GFRAL: variants seen among roughly 807,000 people sequenced by gnomAD.
The protein encoded by GFRAL is GDNF family receptor alpha like.
Under a neutral mutation model 45.4 loss-of-function variants are expected in GFRAL, and 36 were observed. The observed-to-expected ratio is 0.79, with a 90% CI of 0.61 to 1.05. The LOEUF is 1.05. Among genes scored for constraint, GFRAL ranks in the 50% least tolerant of loss-of-function variants. The pLI is 0.00. For synonymous variants in GFRAL, 166 were observed against 154.1 expected (o/e 1.08, Z -0.57); for missense variants, 507 against 467.5 (o/e 1.08, Z -0.78).
intron 1 of GFRAL, among the ~76,000 whole-genome samples, chr6:55,328,119 T>G (rs1029756393): frequency 3.9e-5 from 6 of 152,004 alleles, no homozygotes. Flanking sequence ...TTCATTAATT[T>G]TTATGACCTA....
intron 6 of GFRAL, among the ~76,000 whole-genome samples, chr6:55,397,999 A>C (rs967191763): frequency 6.6e-6 from 1 of 152,210 alleles, no homozygotes; most frequent in Admixed American, 6.5e-5. Flanking sequence ...CATGTTTGTA[A>C]CCTAAAAACA....
chr6:55,350,393 G>A (rs930584049), intron 4 of GFRAL, among the ~76,000 whole-genome samples: 1 of 151,972 alleles, frequency 6.6e-6, no homozygotes, highest in Non-Finnish European at 1.5e-5. Context: ...CCAAATACTA[G>A]GTTGGGCACA....
chr6:55,400,121 T>C (rs1275754720), intron 8 of GFRAL, among the ~76,000 whole-genome samples: 1 of 149,864 alleles, frequency 6.7e-6, no homozygotes, highest in Non-Finnish European at 1.5e-5. Flanking sequence ...CATTTACAAC[T>C]ATACATAAAA....
At chr6:55,400,552 T>A (rs1768882717) in intron 8 of GFRAL, among the ~76,000 whole-genome samples, 1 of 152,174 alleles carries the variant, frequency 6.6e-6, no homozygotes, top group Non-Finnish European at 1.5e-5. Flanking sequence ...TATTTATTTT[T>A]AAATGCAATG....
At chr6:55,374,110 T>G (rs1376381631) in intron 6 of GFRAL, among the ~76,000 whole-genome samples, 1 of 152,206 alleles carries the variant, frequency 6.6e-6, no homozygotes, top group Non-Finnish European at 1.5e-5. Flanking sequence ...TAGTATCCCA[T>G]GGTATATATG....
intron 5 of GFRAL, among the ~76,000 whole-genome samples, chr6:55,352,542 T>G (rs889882640): frequency 6.6e-6 from 1 of 152,108 alleles, no homozygotes; most frequent in Admixed American, 6.6e-5. Flanking sequence ...ACTCTCTTTA[T>G]GGCCACAGAG....
Position 55,330,292 on chromosome 6 carries a change from C to T in GFRAL, c.23-1423C>T, listed in dbSNP as rs538927020. On this transcript the variant is annotated intron_variant, in intron 1 of 8. Coordinates refer to ENST00000340465, the MANE Select transcript of GFRAL (RefSeq NM_207410.2). ...AATATTCATTTATTGAATACCTATA[C>T]TGCATCACTGTGTTTGGTGACAAAA... Among the ~76,000 whole-genome samples the T allele has an allele frequency of 7.2e-5, 11 of 152,184 alleles. No individual in the cohort carries two copies. In the East Asian group the frequency reaches 1.5e-3, roughly 21 times the overall value.
chr6:55,385,888 C>T (rs529142913), intron 6 of GFRAL, among the ~76,000 whole-genome samples: 26 of 151,994 alleles, frequency 1.7e-4, no homozygotes, highest in Non-Finnish European at 3.8e-4. Flanking sequence ...GTAAAGATTT[C>T]AAAGAAATAG....
chr6:55,392,499 A>G (rs1175289341), intron 6 of GFRAL, among the ~76,000 whole-genome samples: 2 of 152,350 alleles, frequency 1.3e-5, no homozygotes, highest in African/African-American at 2.4e-5. Flanking sequence ...TCCTGAATAG[A>G]CAGCAGATTC....
intron 6 of GFRAL, among the ~76,000 whole-genome samples, chr6:55,359,542 GGCTCA>G (rs1301402534): frequency 1.3e-5 from 2 of 151,876 alleles, no homozygotes; most frequent in African/African-American, 4.8e-5. Flanking sequence ...CATTGGACTT[GGCTCA>G]GCTGGATGGC....
At chr6:55,334,031 T>G in intron 3 of GFRAL, 87 bp downstream of exon 3, 1 of 829,610 alleles carries the variant, frequency 1.2e-6, no homozygotes, top group South Asian at 2.5e-5. Context: ...ATGTGATTAA[T>G]GTTTTTTGTA....
intron 4 of GFRAL, 48 bp from the exon 5 acceptor site, chr6:55,351,205 C>T: frequency 7.7e-7 from 1 of 1,298,864 alleles, no homozygotes; most frequent in Non-Finnish European, 1.1e-6. Flanking sequence ...TCTGTATGTA[C>T]AGCTTTGTGT....
intron 6 of GFRAL, among the ~76,000 whole-genome samples, chr6:55,369,693 CT>C (rs1413145506): frequency 1.9e-3 from 4 of 2,112 alleles, no homozygotes; most frequent in Admixed American, 0.015. Flanking sequence ...TTGGTAGACA[CT>C]GAAAAAAAAA....
intron 1 of GFRAL, among the ~76,000 whole-genome samples, 170 bp downstream of exon 1, chr6:55,327,746 T>G (rs1022371350): frequency 1.4e-4 from 21 of 152,188 alleles, no homozygotes; most frequent in African/African-American, 5.1e-4. Flanking sequence ...GTACACTCAC[T>G]TTTACTCACT....
chr6:55,393,760 G>A (rs186027286), intron 6 of GFRAL, among the ~76,000 whole-genome samples: 172 of 152,256 alleles, frequency 1.1e-3, no homozygotes, highest in African/African-American at 3.9e-3. Context: ...TTTAGATCAT[G>A]TGGGACTTCC....
At chr6:55,366,501 CT>C (rs1248484668) in intron 6 of GFRAL, among the ~76,000 whole-genome samples, 1 of 144,996 alleles carries the variant, frequency 6.9e-6, no homozygotes. Flanking sequence ...TGTGTTTGCT[CT>C]TGCTTTTCTA....
At chr6:55,355,749 A>G (rs148943561) in intron 5 of GFRAL, among the ~76,000 whole-genome samples, 8 of 152,006 alleles carry the variant, frequency 5.3e-5, no homozygotes, top group African/African-American at 1.7e-4. Flanking sequence ...TAGGACTTCC[A>G]GCACTATGTT....
At chr6:55,346,405 G>A (rs549623713) in intron 3 of GFRAL, among the ~76,000 whole-genome samples, 2 of 152,190 alleles carry the variant, frequency 1.3e-5, no homozygotes, top group South Asian at 4.1e-4. Context: ...CATGGATGAA[G>A]CTGGAAACCA....
At chr6:55,379,645 CAT>C (rs2127362825) in intron 6 of GFRAL, among the ~76,000 whole-genome samples, 1 of 151,804 alleles carries the variant, frequency 6.6e-6, no homozygotes, top group East Asian at 1.9e-4. Flanking sequence ...CATAACCTCA[CAT>C]AGTTATCATT....
Sources: allele counts gnomAD v4.1 joint callset (sites outside exome capture counted in the v4.1 genomes callset), GRCh38; gene constraint gnomAD v4.1.1; transcripts MANE v1.5; gene names NCBI Gene and HGNC (gene_info 2026-07-23, HGNC 2026-07-21).